Variants in TMTC4 observed in about 807,000 individuals in gnomAD.
The protein encoded by TMTC4 is transmembrane O-mannosyltransferase targeting cadherins 4, also known as protein O-mannosyl-transferase TMTC4.
A neutral mutation model predicts 86.0 loss-of-function variants in TMTC4; 65 were observed. The observed-to-expected ratio is 0.76, with a 90% confidence interval of 0.62 to 0.93. The LOEUF is 0.93. TMTC4 is among the 40% of genes least tolerant of loss of function. The probability of loss-of-function intolerance (pLI) is 0.00; values close to 1 mark genes in which losing one functional copy is unlikely to be tolerated. For missense variants in TMTC4, 866 were observed against 948.1 expected, an observed-to-expected ratio of 0.91 and a Z score of 1.14; for synonymous variants, 379 against 382.5, an observed-to-expected ratio of 0.99 and a Z score of 0.11.
intron 7 of TMTC4, 102 bp from the exon 8 acceptor site, chr13:100,638,124 T>TA: frequency 2.4e-6 from 2 of 827,628 alleles, no homozygotes; most frequent in Non-Finnish European, 3.9e-6. Context: ...AAGGAACACA[T>TA]AGACTAGAGA....
intron 2 of TMTC4, among the ~76,000 whole-genome samples, chr13:100,669,027 T>G (rs1392745466): frequency 2.0e-5 from 3 of 152,254 alleles, no homozygotes; most frequent in Non-Finnish European, 4.4e-5. Context: ...CCCTTTGGTT[T>G]CTGATGCCAG....
At position 100,637,697 on chromosome 13, in the gene TMTC4, G is replaced by C. The variant is rs1305128882; in HGVS notation, c.840C>G (p.Leu280=). 5 of 1,613,642 alleles carry C rather than the reference G, an allele frequency of 3.1e-6. No homozygotes were observed. Among genetic ancestry groups the C allele is most frequent in the Non-Finnish European group, 4.2e-6 (5 of 1,179,742 alleles). The change falls in exon 9 of 19, where the codon CTC becomes CTG. Residue 280 remains leucine, a synonymous_variant. Coordinates refer to ENST00000342624, the MANE Select transcript of TMTC4 (RefSeq NM_032813.5). ...GGAGGCCCCCGTTCCTGAGCATGCC[G>C]AGATTCTGCAAGGACATCGCAAAGC... ...VLHKDKSLEN[L]GMLRNGGLLF... is the part of the protein sequence containing the mutation.
intron 3 of TMTC4, among the ~76,000 whole-genome samples, chr13:100,667,086 T>C (rs1886480635): frequency 6.6e-6 from 1 of 152,204 alleles, no homozygotes; most frequent in Non-Finnish European, 1.5e-5. Flanking sequence ...CAGAATCATC[T>C]ACAGTAACTG....
chr13:100,657,424 T>C (rs1885246641), intron 5 of TMTC4, among the ~76,000 whole-genome samples: 1 of 152,224 alleles, frequency 6.6e-6, no homozygotes, highest in South Asian at 2.1e-4. Flanking sequence ...TCCCACATTT[T>C]CCACATGGTG....
chr13:100,636,458 T>A, intron 10 of TMTC4, 74 bp downstream of exon 10: 1 of 1,531,318 alleles, frequency 6.5e-7, no homozygotes, highest in African/African-American at 1.4e-5. Context: ...ATCATAAAAA[T>A]GATCAGCGCA....
chr13:100,657,874 A>G (rs965560920), intron 5 of TMTC4, among the ~76,000 whole-genome samples: 1 of 152,200 alleles, frequency 6.6e-6, no homozygotes, highest in Non-Finnish European at 1.5e-5. Context: ...AATGCCGAGG[A>G]CCATTCGTCA....
At position 100,636,645 on chromosome 13, in the gene TMTC4, G is replaced by A; in HGVS notation, c.1089C>T (p.Ile363=). ...WLCFDWSMGC[I]PLIKSISDWR... ...AGTCGCTGATGGACTTAATGAGGGG[G>A]ATGCAGCCCATTGACCAATCAAAAC... is the stretch of plus-strand genomic sequence containing the variant. The change falls in exon 10 of 19, where the codon ATC becomes ATT. Residue 363 remains isoleucine, a synonymous_variant. Transcript: ENST00000342624. 1.4e-5 allele frequency: 22 copies of A among 1,614,178 alleles called. No individual in the cohort carries two copies. Among genetic ancestry groups the A allele is most frequent in the Non-Finnish European group, 1.9e-5 (22 of 1,180,036 alleles).
At position 100,663,172 on chromosome 13, in the gene TMTC4, T is replaced by C; in HGVS notation, c.344A>G (p.Tyr115Cys). 4 of 1,614,088 alleles carry C rather than the reference T, an allele frequency of 2.5e-6. No homozygotes were observed. Among genetic ancestry groups the C allele is most frequent in the Non-Finnish European group, 3.4e-6 (4 of 1,180,008 alleles). The change falls in exon 5 of 19, where the codon TAC (tyrosine) becomes TGC (cysteine). Residue 115 changes from tyrosine to cysteine, a missense_variant. Physicochemically the swap from Tyr to Cys is radical, Grantham distance 194. Transcript: ENST00000342624. ...GGGGTGGAAGCCTCCCGAGAGGTAG[T>C]AGTTAATCCTGCAGAAACACAGGGT... The part of the protein sequence containing the change: ...PLTVLTFRIN[Y>C]YLSGGFHPVG...
intron 1 of TMTC4, among the ~76,000 whole-genome samples, chr13:100,672,066 T>G (rs1330099897): frequency 6.6e-6 from 1 of 152,104 alleles, no homozygotes; most frequent in African/African-American, 2.4e-5. Context: ...ACCACTTTCT[T>G]CAGAAGGTGG....
At chr13:100,616,499 C>A (rs1442162453) in intron 15 of TMTC4, among the ~76,000 whole-genome samples, 1 of 152,194 alleles carries the variant, frequency 6.6e-6, no homozygotes, top group East Asian at 1.9e-4. Context: ...CTGTGCCCGG[C>A]CGCATGTGTC....
At position 100,605,674 on chromosome 13, in the gene TMTC4, C is replaced by T. The variant is rs1351761425; in HGVS notation, c.2135-532G>A. 1.3e-5 allele frequency among the ~76,000 whole-genome samples: 2 copies of T among 152,140 alleles called. No individual in the cohort carries two copies. The highest frequency in any genetic ancestry group is 4.8e-5 in the African/African-American group (2 of 41,428). On this transcript the variant is annotated intron_variant, in intron 18 of 18. Transcript: ENST00000342624. The surrounding 1 kb of genome is among the most constrained non-coding windows in gnomAD (Gnocchi z 4.3). ...ACCTAATCATTAGGATGATTAGCCT[C>T]TGATCATGACAGTGATTTTGTTAGT...
In TMTC4 at chr13:100,663,060, C is replaced by A. The variant is rs772292567; in HGVS notation, c.456G>T (p.Leu152=). 6.2e-7 allele frequency: 1 copy of A among 1,614,208 alleles called. No homozygotes were observed. The highest frequency in any genetic ancestry group is 8.5e-7 in the Non-Finnish European group (1 of 1,180,030). ...GCCTCCGGCCTTTACTGGTGTACTG[C>A]AGGCCGCCAAACAGAACCGAGAAGA... ...VDVFSVLFGG[L]QYTSKGRRLH... is the part of the protein sequence containing the mutation. The change falls in exon 5 of 19, where the codon CTG becomes CTT. Residue 152 remains leucine, a synonymous_variant. Coordinates refer to ENST00000342624, the MANE Select transcript of TMTC4 (RefSeq NM_032813.5).
chr13:100,674,471 C>T lies in TMTC4; in HGVS notation c.-208+273G>A, dbSNP rs1362394633. 8 of 919,058 alleles carry T rather than the reference C, an allele frequency of 8.7e-6. No homozygotes were observed. The South Asian group carries it at 2.5e-4, about 29-fold the overall frequency. The allele number at this position is 919,058 out of a possible 1,614,324, so 56.9% of individuals were successfully genotyped here. ...GGCGACCTCTGCCCGGGCGGAGAAG[C>T]TCAGGGGCCCGAGCGCGGCGGGCGG... is the stretch of plus-strand genomic sequence containing the variant. On this transcript the variant is annotated intron_variant, in intron 1 of 18. Transcript: ENST00000342624.
Position 100,604,290 on chromosome 13 carries a change from T to C in TMTC4, c.*704A>G, listed in dbSNP as rs184270782. ...CCTAAAGCATGGCTTGAACTTTCAA[T>C]TGATAGTAACCGCTTATGTAAAATA... On this transcript the variant is annotated 3_prime_UTR_variant, in exon 19 of 19. Transcript: ENST00000342624. The C allele has an allele frequency of 2.0e-4, 31 of 152,772 alleles. No individual in the cohort carries two copies. Among genetic ancestry groups the C allele is most frequent in the Non-Finnish European group, 7.3e-5 (5 of 68,030 alleles). 9.5% of individuals were successfully genotyped at this position (152,772 alleles called of 1,614,324 possible).
At position 100,621,047 on chromosome 13, in the gene TMTC4, G is replaced by C. The variant is rs376666028; in HGVS notation, c.1836+4488C>G. 7.9e-5 allele frequency among the ~76,000 whole-genome samples: 12 copies of C among 152,310 alleles called. No homozygotes were observed. The East Asian group carries it at 1.9e-3, about 24-fold the overall frequency. On this transcript the variant is annotated intron_variant, in intron 15 of 18. Transcript: ENST00000342624. ...ATGGAATACAGGAAGACCATTTCAC[G>C]GCAGTGTAATTAGTAAACAATATAA...
At chr13:100,629,291 G>A (rs567634140) in intron 12 of TMTC4, among the ~76,000 whole-genome samples, 1 of 152,194 alleles carries the variant, frequency 6.6e-6, no homozygotes, top group Non-Finnish European at 1.5e-5. Flanking sequence ...GAAGCATGAA[G>A]TGTGGGTGCT....
chr13:100,655,471 C>G (rs1594350977), intron 6 of TMTC4, among the ~76,000 whole-genome samples: 1 of 152,106 alleles, frequency 6.6e-6, no homozygotes, highest in South Asian at 2.1e-4. Context: ...AGTGAAGGGA[C>G]CCCTCCCTCC....
chr13:100,674,966 A>C, upstream of TMTC4: 1 of 985,316 alleles, frequency 1.0e-6, no homozygotes, highest in African/African-American at 1.7e-5. Flanking sequence ...CGTCACTTTC[A>C]GGCCACAGCC....
chr13:100,630,313 C>G (rs532680526), intron 12 of TMTC4, among the ~76,000 whole-genome samples: 1 of 152,106 alleles, frequency 6.6e-6, no homozygotes, highest in East Asian at 1.9e-4. Context: ...AATTTAAAAG[C>G]ATATAGATTT....
Sources: gnomAD v4.1 joint callset for allele counts (sites outside exome capture counted in the v4.1 genomes callset) on GRCh38, gnomAD v4.1.1 for gene constraint, Gnocchi (gnomAD v3.1) non-coding constraint, MANE v1.5 for transcripts, NCBI Gene and HGNC (gene_info 2026-07-23, HGNC 2026-07-21) for gene names.